The following ERCC6L2 variants were observed in gnomAD, a reference collection of about 807,000 sequenced individuals.
ERCC6L2 encodes DNA excision repair protein ERCC-6-like 2.
In ERCC6L2, 77 loss-of-function variants were observed where a neutral mutation model predicts 132.0. The observed-to-expected ratio is 0.58, with a 90% confidence interval of 0.49 to 0.71. ERCC6L2 has a LOEUF of 0.71. ERCC6L2 is among the 30% of genes least tolerant of loss of function. The pLI, the probability that ERCC6L2 is intolerant of heterozygous loss-of-function variation, is 0.00. For missense variants in ERCC6L2, 1,542 were observed against 1,837.6 expected (o/e 0.84, Z 2.94); for synonymous variants, 583 against 632.4 (o/e 0.92, Z 1.17).
chr9:95,993,527 TC>T (rs1377737249), intron 17 of ERCC6L2, among the ~76,000 whole-genome samples: 1 of 152,090 alleles, frequency 6.6e-6, no homozygotes, highest in Admixed American at 6.6e-5. Flanking sequence ...ATTCACCTGC[TC>T]CCCCCAATGC....
intron 8 of ERCC6L2, 122 bp from the exon 9 acceptor site, chr9:95,923,138 A>G: frequency 8.3e-7 from 1 of 1,198,166 alleles, no homozygotes; most frequent in East Asian, 2.6e-5. Flanking sequence ...GACTTAGGGA[A>G]GCAAAAATCT....
downstream of ERCC6L2, among the ~76,000 whole-genome samples, chr9:96,018,634 CA>C (rs1303971548): frequency 3.4e-4 from 34 of 100,558 alleles, no homozygotes; most frequent in Middle Eastern, 5.4e-3. Context: ...CTAATTTTTG[CA>C]TTTTTTTTTT....
intron 4 of ERCC6L2, among the ~76,000 whole-genome samples, chr9:95,910,995 C>A (rs1165231311): frequency 6.6e-6 from 1 of 152,056 alleles, no homozygotes; most frequent in Non-Finnish European, 1.5e-5. Flanking sequence ...CTCACTGTAC[C>A]CTCAGTCTCC....
At chr9:95,966,488 AG>A in intron 13 of ERCC6L2, 73 bp from the exon 14 acceptor site, 1 of 1,329,468 alleles carries the variant, frequency 7.5e-7, no homozygotes, top group Non-Finnish European at 9.9e-7. Context: ...GTGTATATAC[AG>A]GGAATGCCAG....
At chr9:95,975,934 T>C (rs1048024617) in intron 16 of ERCC6L2, among the ~76,000 whole-genome samples, 2 of 152,194 alleles carry the variant, frequency 1.3e-5, no homozygotes, top group Non-Finnish European at 2.9e-5. Context: ...TTGCTCTAAT[T>C]CTGATTTACG....
Position 95,933,458 on chromosome 9 carries a change from C to G in ERCC6L2, c.1751+4594C>G, listed in dbSNP as rs555264494. ...TCAATCAGGACATTTGGGTTTGAATCGAGACACTTGCTACTTAGGAGACCT... is the reference window on the plus strand; with the variant it reads ...TCAATCAGGACATTTGGGTTTGAATGGAGACACTTGCTACTTAGGAGACCT... On this transcript the variant is annotated intron_variant, in intron 11 of 18. Coordinates refer to ENST00000653738, the MANE Select transcript of ERCC6L2 (RefSeq NM_020207.7). 9.2e-5 allele frequency among the ~76,000 whole-genome samples: 14 copies of G among 152,222 alleles called. No individual in the cohort carries two copies. The East Asian group carries it at 2.7e-3, about 29-fold the overall frequency.
intron 17 of ERCC6L2, among the ~76,000 whole-genome samples, chr9:95,992,289 T>C (rs941273615): frequency 1.3e-5 from 2 of 152,204 alleles, no homozygotes; most frequent in African/African-American, 2.4e-5. Context: ...TCAGTAGATA[T>C]AACCCACACA....
At chr9:95,901,575 G>A (rs905485345) in intron 3 of ERCC6L2, among the ~76,000 whole-genome samples, 1 of 152,158 alleles carries the variant, frequency 6.6e-6, no homozygotes, top group African/African-American at 2.4e-5. Context: ...TCTAGGAAAA[G>A]TAAATTTTTT....
chr9:95,900,166 G>T (rs577644285), intron 3 of ERCC6L2, among the ~76,000 whole-genome samples: 2 of 152,014 alleles, frequency 1.3e-5, no homozygotes, highest in African/African-American at 2.4e-5. Flanking sequence ...CTGGAGGATC[G>T]CCCAGGAGTT....
intron 14 of ERCC6L2, chr9:95,968,802 A>G (rs549934475): frequency 7.9e-5 from 12 of 152,176 alleles, no homozygotes; most frequent in Non-Finnish European, 1.3e-4. Flanking sequence ...AGAGCTTTGC[A>G]TACATAAAAG....
Position 96,016,291 on chromosome 9 carries a change from A to G in ERCC6L2, c.*3088A>G, listed in dbSNP as rs1834184371. Among the ~76,000 whole-genome samples the G allele has an allele frequency of 6.6e-6, 1 of 152,240 alleles. No homozygotes were observed. Among genetic ancestry groups the G allele is most frequent in the Admixed American group, 6.5e-5 (1 of 15,288 alleles). On this transcript the variant is annotated 3_prime_UTR_variant, in exon 19 of 19. Coordinates refer to ENST00000653738, the MANE Select transcript of ERCC6L2 (RefSeq NM_020207.7). ...ATTAAAATGCAAGTCTGTTGCTTCA[A>G]GCAACACCACTGTGGCTCCATGGAG...
At chr9:95,953,852 A>G (rs1478754242) in intron 12 of ERCC6L2, among the ~76,000 whole-genome samples, 1 of 152,188 alleles carries the variant, frequency 6.6e-6, no homozygotes, top group Non-Finnish European at 1.5e-5. Flanking sequence ...TCAAATACAT[A>G]GAAACACTTA....
At chr9:96,000,535 A>G (rs1456694452) in intron 17 of ERCC6L2, among the ~76,000 whole-genome samples, 1 of 152,238 alleles carries the variant, frequency 6.6e-6, no homozygotes, top group East Asian at 1.9e-4. Flanking sequence ...AATGCATAAC[A>G]TGTTGGCAGG....
chr9:95,876,560 T>G (rs689697), intron 1 of ERCC6L2: 40,543 of 153,626 alleles, frequency 0.26, 5,924 homozygotes, highest in East Asian at 0.37. Flanking sequence ...TTTTATTGCC[T>G]ATTGAGTCAG....
chr9:96,024,129 T>C (rs1834330911), intron 19 of ERCC6L2, among the ~76,000 whole-genome samples: 1 of 152,200 alleles, frequency 6.6e-6, no homozygotes, highest in African/African-American at 2.4e-5. Flanking sequence ...AAGTTGCTAC[T>C]AACTATTGCT....
At chr9:96,024,097 G>A (rs1486406977) in intron 19 of ERCC6L2, among the ~76,000 whole-genome samples, 3 of 152,216 alleles carry the variant, frequency 2.0e-5, no homozygotes, top group Middle Eastern at 3.2e-3. Flanking sequence ...TTCCAGAAGG[G>A]AACCGAAATG....
chr9:95,926,615 G>A (rs1325151866), intron 9 of ERCC6L2, among the ~76,000 whole-genome samples: 1 of 152,142 alleles, frequency 6.6e-6, no homozygotes, highest in Non-Finnish European at 1.5e-5. Flanking sequence ...TGGTTGCTAT[G>A]GGTTCTGGGG....
chr9:95,973,704 T>C (rs747283272), intron 16 of ERCC6L2, among the ~76,000 whole-genome samples: 6 of 152,124 alleles, frequency 3.9e-5, no homozygotes, highest in African/African-American at 4.8e-5. Context: ...GTCCCTCCCA[T>C]GACACATGGG....
At chr9:95,884,743 G>T (rs1827774371) in intron 2 of ERCC6L2, among the ~76,000 whole-genome samples, 1 of 152,178 alleles carries the variant, frequency 6.6e-6, no homozygotes, top group Non-Finnish European at 1.5e-5. Context: ...CCATTTTGCT[G>T]GAGCTTTCAG....
Sources: gnomAD v4.1 joint callset for allele counts (sites outside exome capture counted in the v4.1 genomes callset) on GRCh38, gnomAD v4.1.1 for gene constraint, MANE v1.5 for transcripts, NCBI Gene and HGNC (gene_info 2026-07-23, HGNC 2026-07-21) for gene names.